The following SP100 variants were observed in gnomAD, a reference collection of about 807,000 sequenced individuals.
SP100 encodes the protein SP100 nuclear body protein.
Under a neutral mutation model 130.0 loss-of-function variants are expected in SP100, and 84 were observed. The ratio of observed to expected loss-of-function variants is 0.65; its 90% CI spans 0.54 to 0.77. The LOEUF (loss-of-function observed/expected upper bound fraction) is 0.77. SP100 is among the 30% of genes least tolerant of loss of function. The pLI is 0.00. For synonymous variants in SP100, 331 were observed against 351.7 expected, an observed-to-expected ratio of 0.94 and a Z score of 0.66; for missense variants, 978 against 1,052.2, an observed-to-expected ratio of 0.93 and a Z score of 0.97.
At chr2:230,466,395 T>C (rs2064959863) in intron 12 of SP100, 41 bp downstream of exon 12, 1 of 1,031,056 alleles carries the variant, frequency 9.7e-7, no homozygotes, top group Non-Finnish European at 1.5e-6. Context: ...AGAAAATAAC[T>C]TCTCTTCATG....
intron 24 of SP100, among the ~76,000 whole-genome samples, chr2:230,524,883 T>C (rs1691350589): frequency 6.6e-6 from 1 of 152,206 alleles, no homozygotes; most frequent in Non-Finnish European, 1.5e-5. Context: ...TGTAATTCTG[T>C]ATATAAAATG....
At chr2:230,486,139 A>C (rs934971288) in intron 17 of SP100, among the ~76,000 whole-genome samples, 1 of 152,216 alleles carries the variant, frequency 6.6e-6, no homozygotes, top group African/African-American at 2.4e-5. Flanking sequence ...TTACAATTAC[A>C]GCGGAAGGTG....
intron 2 of SP100, 94 bp downstream of exon 2, chr2:230,417,759 C>T (rs2062651922): frequency 6.6e-7 from 1 of 1,504,504 alleles, no homozygotes; most frequent in African/African-American, 1.4e-5. Flanking sequence ...CATTTAAATT[C>T]CCTCTTCTAT....
At position 230,427,223 on chromosome 2, in the gene SP100, G is replaced by T. The variant is rs116036437; in HGVS notation, c.107+9558G>T. Among the ~76,000 whole-genome samples the T allele has an allele frequency of 7.7e-3, 1,175 of 151,914 alleles. 9 individuals carry two copies. Among genetic ancestry groups the T allele is most frequent in the African/African-American group, 0.026 (1,082 of 41,384 alleles). On this transcript the variant is annotated intron_variant, in intron 2 of 28. Coordinates refer to ENST00000340126, the MANE Select transcript of SP100 (RefSeq NM_001080391.2). ...GTCACCCAGGTTGGAGTGCAGTGGTGCTATCTCGGCTTATTGCAACCTCTG... is the reference window on the plus strand; with the variant it reads ...GTCACCCAGGTTGGAGTGCAGTGGTTCTATCTCGGCTTATTGCAACCTCTG...
Position 230,467,616 on chromosome 2 carries a change from C to A in SP100, c.1291+401C>A, listed in dbSNP as rs1575671864. Among the ~76,000 whole-genome samples, 3 of 152,280 alleles carry A rather than the reference C, an allele frequency of 2.0e-5. No homozygotes were observed. In the South Asian group the frequency reaches 6.2e-4, roughly 32 times the overall value. On this transcript the variant is annotated intron_variant, in intron 13 of 28. Coordinates refer to ENST00000340126, the MANE Select transcript of SP100 (RefSeq NM_001080391.2). ...GAAGAGAGCTTCTGCTGGGAAACTC[C>A]CCCTTATATAACCATTCAGATCTTG...
chr2:230,528,286 G>T (rs1279585679), intron 24 of SP100, among the ~76,000 whole-genome samples: 2 of 152,246 alleles, frequency 1.3e-5, no homozygotes, highest in African/African-American at 4.8e-5. Context: ...ACTCAAAACT[G>T]CACAACTACA....
In SP100 at chr2:230,461,423, G is replaced by A; in HGVS notation, c.973+9G>A. 6.2e-7 allele frequency: 1 copy of A among 1,613,818 alleles called. No homozygotes were observed. The highest frequency in any genetic ancestry group is 8.5e-7 in the Non-Finnish European group (1 of 1,179,792). On this transcript the variant is annotated intron_variant, in intron 9 of 28. Transcript: ENST00000340126. Reference sequence around the variant, plus strand: ...GGCATCTGACATAATAGGTAAGGCTGACTGGGAGAGTTTGTAACTGTGAGT... The same window carrying A: ...GGCATCTGACATAATAGGTAAGGCTAACTGGGAGAGTTTGTAACTGTGAGT...
At chr2:230,449,441 C>A (rs2063862290) in intron 6 of SP100, 120 bp from the exon 7 acceptor site, 1 of 1,114,582 alleles carries the variant, frequency 9.0e-7, no homozygotes, top group Non-Finnish European at 1.4e-6. Context: ...CTGCTTGAAT[C>A]TGGCTGTTGC....
At chr2:230,471,762 T>C (rs2065273419) in intron 15 of SP100, among the ~76,000 whole-genome samples, 1 of 151,718 alleles carries the variant, frequency 6.6e-6, no homozygotes, top group Admixed American at 6.6e-5. Flanking sequence ...GTGGATAAAG[T>C]AAGGAGAAAG....
At chr2:230,421,426 T>G (rs975695779) in intron 2 of SP100, among the ~76,000 whole-genome samples, 5 of 152,050 alleles carry the variant, frequency 3.3e-5, no homozygotes, top group African/African-American at 1.2e-4. Context: ...CATGTATACC[T>G]CTTTCTTGCT....
chr2:230,522,133 T>C (rs1415251350), intron 24 of SP100, among the ~76,000 whole-genome samples: 1 of 152,166 alleles, frequency 6.6e-6, no homozygotes, highest in Non-Finnish European at 1.5e-5. Flanking sequence ...CAAAGGAATT[T>C]CTGTTTGCAG....
intron 8 of SP100, among the ~76,000 whole-genome samples, chr2:230,450,583 T>A (rs2063931151): frequency 6.6e-6 from 1 of 152,194 alleles, no homozygotes; most frequent in Non-Finnish European, 1.5e-5. Flanking sequence ...TGTATTTCTC[T>A]TATTTAACTA....
chr2:230,541,654 T>C (rs1033778949), intron 27 of SP100, among the ~76,000 whole-genome samples: 11 of 152,120 alleles, frequency 7.2e-5, no homozygotes, highest in Non-Finnish European at 1.3e-4. Context: ...TGTTCTTGAG[T>C]GGCAGAAAGA....
At position 230,504,150 on chromosome 2, in the gene SP100, A is replaced by G. The variant is rs867109635; in HGVS notation, c.1766-36A>G. 5 of 1,205,100 alleles carry G rather than the reference A, an allele frequency of 4.1e-6. No homozygotes were observed. The African/African-American group carries it at 4.5e-5, about 11-fold the overall frequency. The allele number at this position is 1,205,100 out of a possible 1,614,324, so 74.7% of individuals were successfully genotyped here. A position where few individuals can be genotyped will look rare whatever the true frequency, so the allele number is the denominator to read the frequency against. Reference sequence around the variant, plus strand: ...GGGAGGGACAATGCACAGTTGTAAAAGTAGATGGAATGGAAAAAAAAATGC... The same window carrying G: ...GGGAGGGACAATGCACAGTTGTAAAGGTAGATGGAATGGAAAAAAAAATGC... On this transcript the variant is annotated intron_variant, in intron 20 of 28. Transcript: ENST00000340126.
At chr2:230,432,664 G>A (rs766139419) in intron 2 of SP100, among the ~76,000 whole-genome samples, 2 of 151,926 alleles carry the variant, frequency 1.3e-5, no homozygotes, top group African/African-American at 2.4e-5. Context: ...AGAAATATCT[G>A]TTCAAATCAT....
intron 18 of SP100, among the ~76,000 whole-genome samples, 192 bp downstream of exon 18, chr2:230,494,652 T>C (rs72985712): frequency 0.065 from 9,904 of 152,080 alleles, 377 homozygotes; most frequent in Middle Eastern, 0.11. Context: ...AACCAAATAA[T>C]CTAAGAGCCC....
intron 2 of SP100, among the ~76,000 whole-genome samples, chr2:230,422,115 C>A (rs1991369): frequency 0.84 from 127,388 of 152,132 alleles, 54,744 homozygotes; most frequent in African/African-American, 0.96. Flanking sequence ...GTGATTAAAA[C>A]ACTTCTGCCA....
At chr2:230,418,265 G>A (rs2062672297) in intron 2 of SP100, among the ~76,000 whole-genome samples, 1 of 152,072 alleles carries the variant, frequency 6.6e-6, no homozygotes, top group African/African-American at 2.4e-5. Flanking sequence ...CCTTCTAGTA[G>A]GTTTCTTGTT....
chr2:230,417,543 G>T, intron 1 of SP100, 48 bp from the exon 2 acceptor site: 1 of 1,583,830 alleles, frequency 6.3e-7, no homozygotes, highest in African/African-American at 1.4e-5. Context: ...TAATTATTGA[G>T]GCAAAGGGTC....
Sources: gnomAD v4.1 joint callset for allele counts (sites outside exome capture counted in the v4.1 genomes callset) on GRCh38, gnomAD v4.1.1 for gene constraint, MANE v1.5 for transcripts, NCBI Gene and HGNC (gene_info 2026-07-23, HGNC 2026-07-21) for gene names.